The following PARP16 variants were observed in gnomAD, a reference collection of about 807,000 sequenced individuals.
PARP16 encodes protein mono-ADP-ribosyltransferase PARP16.
In PARP16, 31 loss-of-function variants were observed where a neutral mutation model predicts 35.0. That is an observed-to-expected ratio of 0.88 (90% confidence interval 0.66 to 1.19). The LOEUF (loss-of-function observed/expected upper bound fraction) is 1.19, where lower values mean the gene tolerates loss of function less well. PARP16 is among the 50% of genes most tolerant of loss of function. The pLI is 0.00. For missense variants in PARP16, 424 were observed against 411.2 expected, an observed-to-expected ratio of 1.03 and a Z score of -0.27; for synonymous variants, 162 against 169.5, an observed-to-expected ratio of 0.96 and a Z score of 0.34.
At chr15:65,245,212 G>C (rs1054647156) in intron 3 of PARP16, among the ~76,000 whole-genome samples, 2 of 152,224 alleles carry the variant, frequency 1.3e-5, no homozygotes, top group African/African-American at 4.8e-5. Context: ...GAGGCACAGA[G>C]AGGGCTTTGT....
At chr15:65,239,944 C>T (rs2089004584) in intron 3 of PARP16, among the ~76,000 whole-genome samples, 1 of 110,026 alleles carries the variant, frequency 9.1e-6, no homozygotes, top group Admixed American at 9.2e-5. Context: ...GCGTGAGCCA[C>T]CGCGTCTGAC....
rs556058787 is a variant in PARP16, at chr15:65,267,678, C to CTTTTTTTTTTTTT, written c.313-923_313-911dup. Among the ~76,000 whole-genome samples, 11 of 53,034 alleles carry CTTTTTTTTTTTTT rather than the reference C, an allele frequency of 2.1e-4. 3 individuals carry two copies. The highest frequency in any genetic ancestry group is 7.1e-4 in the Admixed American group (2 of 2,802). The allele number at this position is 53,034 out of a possible 152,430, so 34.8% of individuals were successfully genotyped here. On this transcript the variant is annotated intron_variant, in intron 2 of 5. Coordinates refer to ENST00000649807, the MANE Select transcript of PARP16 (RefSeq NM_001316943.2). The stretch of plus-strand genomic sequence containing the variant: ...TGGAGATCACTTCTAATTTTCCTAA[C>CTTTTTTTTTTTTT]TTTTTTTTTTTTTTTTTTTTTTTTT...
chr15:65,286,190 T>G, intron 1 of PARP16, 63 bp downstream of exon 1: 1 of 1,329,338 alleles, frequency 7.5e-7, no homozygotes, highest in Non-Finnish European at 1.0e-6. Context: ...TGCCTCTACC[T>G]GTGGTTCCAC....
intron 3 of PARP16, chr15:65,248,007 T>C (rs1369328117): frequency 5.6e-6 from 2 of 357,096 alleles, no homozygotes; most frequent in East Asian, 1.5e-4. Flanking sequence ...GGTTTCACCG[T>C]GTTAGCCAGG....
downstream of PARP16, among the ~76,000 whole-genome samples, chr15:65,256,407 CTT>C (rs11422149): frequency 5.8e-5 from 7 of 121,494 alleles, no homozygotes; most frequent in Admixed American, 9.2e-5. Context: ...CTGCCCACGG[CTT>C]TTTTTTTTTT....
chr15:65,270,926 A>C lies in PARP16; in HGVS notation c.312+9T>G. 3 of 1,613,986 alleles carry C rather than the reference A, an allele frequency of 1.9e-6. No homozygotes were observed. The highest frequency in any genetic ancestry group is 2.2e-5 in the South Asian group (2 of 91,066). On this transcript the variant is annotated intron_variant, in intron 2 of 5. Transcript: ENST00000649807. ...CTAAAATCTGTGATGCTACGGACCA[A>C]AGTCTCACCTCTGCCTTCCCTGCAC... is the stretch of plus-strand genomic sequence containing the variant.
chr15:65,236,987 G>A (rs79872230), intron 3 of PARP16, among the ~76,000 whole-genome samples: 70 of 139,044 alleles, frequency 5.0e-4, no homozygotes, highest in Middle Eastern at 3.6e-3. Flanking sequence ...AAAAAAAAAA[G>A]AAAAAAAAAA....
intron 1 of PARP16, among the ~76,000 whole-genome samples, chr15:65,285,163 G>A (rs1016117469): frequency 2.8e-5 from 4 of 143,356 alleles, no homozygotes; most frequent in Admixed American, 7.0e-5. Flanking sequence ...TTTTAATGGA[G>A]TTTCATTCTT....
chr15:65,235,639 C>CAAAA (rs57790733), intron 3 of PARP16, among the ~76,000 whole-genome samples: 3 of 83,652 alleles, frequency 3.6e-5, no homozygotes, highest in Non-Finnish European at 7.1e-5. Context: ...CCTATCTCTA[C>CAAAA]AAAAAAAAAA....
chr15:65,269,315 G>C (rs1008512840), intron 2 of PARP16, among the ~76,000 whole-genome samples: 3 of 152,006 alleles, frequency 2.0e-5, no homozygotes, highest in African/African-American at 7.3e-5. Context: ...TCCTGCCTCA[G>C]CCTCCCACGT....
intron 3 of PARP16, among the ~76,000 whole-genome samples, chr15:65,240,410 A>G (rs1179954465): frequency 1.3e-5 from 2 of 150,622 alleles, no homozygotes; most frequent in African/African-American, 4.9e-5. Flanking sequence ...TTTTTTGTAG[A>G]ATGGGGTTTC....
At chr15:65,285,987 A>G (rs1245743647) in intron 1 of PARP16, among the ~76,000 whole-genome samples, 1 of 152,198 alleles carries the variant, frequency 6.6e-6, no homozygotes, top group East Asian at 1.9e-4. Flanking sequence ...CTATGCAACT[A>G]TTCCTCACTT....
At chr15:65,232,835 C>G (rs1279778095), downstream of PARP16, among the ~76,000 whole-genome samples, 1 of 151,970 alleles carries the variant, frequency 6.6e-6, no homozygotes, top group Non-Finnish European at 1.5e-5. Context: ...GAGGGAGGAT[C>G]GCGTGAGAAC....
At chr15:65,265,771 T>C (rs1404737651) in intron 3 of PARP16, among the ~76,000 whole-genome samples, 1 of 152,168 alleles carries the variant, frequency 6.6e-6, no homozygotes, top group South Asian at 2.1e-4. Flanking sequence ...ATGCAGACGC[T>C]GCTGGTCCAG....
chr15:65,245,447 G>A (rs1390065418), intron 3 of PARP16, among the ~76,000 whole-genome samples: 1 of 152,254 alleles, frequency 6.6e-6, no homozygotes, highest in East Asian at 1.9e-4. Flanking sequence ...CTCTCTGGCT[G>A]AGGGAAGAGG....
chr15:65,235,198 T>C lies in PARP16; in HGVS notation c.*98-375A>G, dbSNP rs144180812. Among the ~76,000 whole-genome samples the C allele has an allele frequency of 9.9e-3, 1,497 of 151,966 alleles. 11 individuals are homozygous for C. Among genetic ancestry groups the C allele is most frequent in the Non-Finnish European group, 0.015 (1,003 of 67,958 alleles). On this transcript the variant is annotated intron_variant and NMD_transcript_variant, in intron 3 of 3. Coordinates refer to the PARP16 transcript ENST00000559805. ...GGTGGGCGCCTGTAGTCCCAGCTAC[T>C]TGGGAGGCTGAGGCAGGAGAATGGC...
intron 2 of PARP16, among the ~76,000 whole-genome samples, chr15:65,268,272 C>T (rs2089972241): frequency 6.6e-6 from 1 of 152,152 alleles, no homozygotes; most frequent in South Asian, 2.1e-4. Context: ...GAGAACCCCT[C>T]ACCATTGTCC....
chr15:65,276,557 G>T (rs1000466349), intron 1 of PARP16, among the ~76,000 whole-genome samples: 1 of 151,930 alleles, frequency 6.6e-6, no homozygotes, highest in South Asian at 2.1e-4. Context: ...GTACAGACAG[G>T]GTTCCACCAT....
intron 3 of PARP16, among the ~76,000 whole-genome samples, chr15:65,239,458 G>GAA (rs1567007952): frequency 6.4e-5 from 4 of 62,518 alleles, no homozygotes; most frequent in Non-Finnish European, 9.9e-5. Flanking sequence ...AAAAAAGAGA[G>GAA]AAAAGAAAAA....
Sources: allele counts gnomAD v4.1 joint callset (sites outside exome capture counted in the v4.1 genomes callset), GRCh38; gene constraint gnomAD v4.1.1; transcripts MANE v1.5; gene names NCBI Gene and HGNC (gene_info 2026-07-23, HGNC 2026-07-21).